Variants in SHPRH observed in about 807,000 individuals in gnomAD.
SHPRH encodes the protein E3 ubiquitin-protein ligase SHPRH.
SHPRH carries 106 observed loss-of-function variants against 202.5 expected under a neutral mutation model. That is an observed-to-expected ratio of 0.52 (90% CI 0.45 to 0.62). The LOEUF (loss-of-function observed/expected upper bound fraction) is 0.62, where lower values mean the gene tolerates loss of function less well. SHPRH is among the 20% of genes least tolerant of loss of function. The probability of loss-of-function intolerance (pLI) is 0.00; values close to 1 mark genes in which losing one functional copy is unlikely to be tolerated. For synonymous variants in SHPRH, 729 were observed against 686.0 expected (o/e 1.06, Z -0.98); for missense variants, 1,710 against 2,020.0 (o/e 0.85, Z 2.94).
intron 11 of SHPRH, among the ~76,000 whole-genome samples, chr6:145,940,155 A>G (rs1028391898): frequency 6.6e-6 from 1 of 152,130 alleles, no homozygotes; most frequent in Non-Finnish European, 1.5e-5. Flanking sequence ...GGAGGAAAAA[A>G]CTAGACACAA....
Position 145,933,159 on chromosome 6 carries a change from G to C in SHPRH, c.3010C>G (p.Leu1004Val). ...CATTTCTTCTGCAAAGATGTCAGCA[G>C]CTCTTCCATTGTCATGGTGCTAAAA... ...LQKSTMTMEELLTSLQKKCGT... is the reference protein window; with the variant it reads ...LQKSTMTMEEVLTSLQKKCGT... The change falls in exon 14 of 30, where the codon CTG becomes GTG. Residue 1004 changes from leucine (L) to valine (V), a missense_variant. Physicochemically the swap from Leu to Val is conservative, Grantham distance 32. This residue lies in a region of SHPRH where 23 missense variants were observed against 36.7 expected (regional missense o/e 0.63). Transcript: ENST00000275233. The C allele has an allele frequency of 6.2e-7, 1 of 1,613,864 alleles. No homozygotes were observed. The highest frequency in any genetic ancestry group is 8.5e-7 in the Non-Finnish European group (1 of 1,179,890).
chr6:145,950,394 A>T lies in SHPRH; in HGVS notation c.852T>A (p.His284Gln), dbSNP rs1421178768. The T allele has an allele frequency of 6.2e-7, 1 of 1,613,286 alleles. No homozygotes were observed. Among genetic ancestry groups the T allele is most frequent in the East Asian group, 2.2e-5 (1 of 44,864 alleles). The change falls in exon 4 of 30, where the codon CAT (histidine) becomes CAA (glutamine). Residue 284 changes from histidine to glutamine, a missense_variant. Physicochemically the swap from His to Gln is conservative, Grantham distance 24 (BLOSUM62 0). Transcript: ENST00000275233. ...CTTGGATGGACTGCGTTTCTTGCTGATGTGTTTGTTTCACAAAGTGATACA... is the reference window on the plus strand; with the variant it reads ...CTTGGATGGACTGCGTTTCTTGCTGTTGTGTTTGTTTCACAAAGTGATACA... ...DELYHFVKQT[H>Q]QQETQSIQVD...
chr6:145,939,451 G>C (rs1224006142), intron 11 of SHPRH, among the ~76,000 whole-genome samples: 1 of 152,140 alleles, frequency 6.6e-6, no homozygotes. Flanking sequence ...AATGGTGACA[G>C]GTGCTCAAAA....
intron 29 of SHPRH, among the ~76,000 whole-genome samples, chr6:145,887,412 A>T (rs763922563): frequency 2.6e-5 from 4 of 152,144 alleles, no homozygotes; most frequent in Non-Finnish European, 5.9e-5. Flanking sequence ...TAAATAAATT[A>T]TACCATAAAT....
intron 18 of SHPRH, 108 bp from the exon 19 acceptor site, chr6:145,922,944 TG>T: frequency 2.5e-6 from 3 of 1,214,634 alleles, no homozygotes; most frequent in Non-Finnish European, 3.2e-6. Context: ...AACTGTTTGC[TG>T]TTTTTTTTTT....
At chr6:145,864,937 A>ACACT (rs1374883922) in intron 2 of SHPRH, among the ~76,000 whole-genome samples, 9 of 137,774 alleles carry the variant, frequency 6.5e-5, no homozygotes, top group African/African-American at 2.6e-4. Flanking sequence ...TTATAAACAC[A>ACACT]CACACTCACA....
chr6:145,950,489 A>G lies in SHPRH; in HGVS notation c.764-7T>C, dbSNP rs769702702. On this transcript the variant is annotated splice_polypyrimidine_tract_variant and splice_region_variant and intron_variant, in intron 3 of 29. Transcript: ENST00000275233. The stretch of plus-strand genomic sequence containing the variant: ...TCATCCTCTTCCAACACATCTGTAC[A>G]TCACACAGCAAATGTACTCAAAAAC... The G allele has an allele frequency of 5.0e-6, 8 of 1,611,090 alleles. No homozygotes were observed. Among genetic ancestry groups the G allele is most frequent in the Non-Finnish European group, 6.8e-6 (8 of 1,178,200 alleles).
At chr6:145,887,581 G>A (rs546008566) in intron 29 of SHPRH, among the ~76,000 whole-genome samples, 5 of 147,942 alleles carry the variant, frequency 3.4e-5, no homozygotes, top group African/African-American at 1.3e-4. Flanking sequence ...TGTTGCCCAG[G>A]CTGGAGTGCA....
intron 1 of SHPRH, among the ~76,000 whole-genome samples, chr6:145,961,085 T>C (rs942006840): frequency 1.3e-5 from 2 of 151,916 alleles, no homozygotes; most frequent in Non-Finnish European, 2.9e-5. Flanking sequence ...CCTCCTGCAA[T>C]GCAGCCCGGT....
downstream of SHPRH, among the ~76,000 whole-genome samples, chr6:145,882,265 T>C (rs1408029138): frequency 6.6e-6 from 1 of 152,140 alleles, no homozygotes; most frequent in Non-Finnish European, 1.5e-5. Flanking sequence ...TAACAACTTA[T>C]GAAAAAGACA....
downstream of SHPRH, among the ~76,000 whole-genome samples, chr6:145,859,741 TAAC>T (rs1369067024): frequency 6.6e-6 from 1 of 151,752 alleles, no homozygotes; most frequent in Non-Finnish European, 1.5e-5. Context: ...GAAGCTGTTG[TAAC>T]AATACCCAAG....
chr6:145,891,586 G>A (rs1781570150), intron 28 of SHPRH, among the ~76,000 whole-genome samples: 1 of 152,142 alleles, frequency 6.6e-6, no homozygotes, highest in Admixed American at 6.6e-5. Context: ...CTGGCACACA[G>A]AAGATACTCA....
chr6:145,874,935 AT>A (rs1367549480), intron 2 of SHPRH, among the ~76,000 whole-genome samples: 2 of 152,070 alleles, frequency 1.3e-5, no homozygotes, highest in Non-Finnish European at 1.5e-5. Flanking sequence ...AAACATATCG[AT>A]TTTTTTCTTT....
At chr6:145,921,539 AG>A in intron 20 of SHPRH, 147 bp from the exon 21 acceptor site, 3 of 663,696 alleles carry the variant, frequency 4.5e-6, no homozygotes, top group South Asian at 4.2e-5. Context: ...AAATTTGGCC[AG>A]TTTTTTTTTT....
In SHPRH at chr6:145,940,718, A is replaced by T. The variant is rs984413039; in HGVS notation, c.2569+5T>A. On this transcript the variant is annotated splice_donor_5th_base_variant and intron_variant, in intron 11 of 29. Transcript: ENST00000275233. ...CATGCAATATGTGAGGAAACCATAC[A>T]TTACCCTCTAATCCTCTCTGTACTG... 2 of 1,613,156 alleles carry T rather than the reference A, an allele frequency of 1.2e-6. No homozygotes were observed. Among genetic ancestry groups the T allele is most frequent in the Non-Finnish European group, 1.7e-6 (2 of 1,179,468 alleles).
chr6:145,911,678 G>GT (rs1199523439), intron 24 of SHPRH, among the ~76,000 whole-genome samples: 4 of 151,470 alleles, frequency 2.6e-5, no homozygotes, highest in East Asian at 2.0e-4. Flanking sequence ...CTTAAGCTAT[G>GT]TTTTTTTTAA....
At chr6:145,903,705 C>A (rs140223033) in intron 25 of SHPRH, 1 of 151,992 alleles carries the variant, frequency 6.6e-6, no homozygotes, top group Non-Finnish European at 1.5e-5. Flanking sequence ...TATTTTCTCC[C>A]GGACAGAAAT....
intron 2 of SHPRH, among the ~76,000 whole-genome samples, chr6:145,868,294 TG>T (rs1779894247): frequency 6.6e-6 from 1 of 152,158 alleles, no homozygotes. Flanking sequence ...TCTAAGGCCC[TG>T]GGGGTTAGGA....
At chr6:145,946,042 C>G (rs1787338473) in intron 7 of SHPRH, among the ~76,000 whole-genome samples, 191 bp downstream of exon 7, 1 of 152,006 alleles carries the variant, frequency 6.6e-6, no homozygotes, top group Admixed American at 6.6e-5. Flanking sequence ...CTACCTGGGC[C>G]AAGTCAAACA....
Sources: allele counts gnomAD v4.1 joint callset (sites outside exome capture counted in the v4.1 genomes callset), GRCh38; gene constraint gnomAD v4.1.1; regional missense constraint gnomAD v4.1.1; transcripts MANE v1.5; gene names NCBI Gene and HGNC (gene_info 2026-07-23, HGNC 2026-07-21).